KPNB1: variants seen among roughly 807,000 people sequenced by gnomAD.
The protein encoded by KPNB1 is importin subunit beta-1.
In KPNB1, 7 loss-of-function variants were observed where a neutral mutation model predicts 113.0. That is an observed-to-expected ratio of 0.06 (90% CI 0.04 to 0.12). The LOEUF is 0.12. KPNB1 is among the 10% of genes least tolerant of loss of function. KPNB1 has a pLI of 1.00. For synonymous variants in KPNB1, 363 were observed against 378.6 expected (o/e 0.96, Z 0.48); for missense variants, 400 against 1,054.8 (o/e 0.38, Z 8.60).
intron 11 of KPNB1, 62 bp from the exon 12 acceptor site, chr17:47,670,640 A>G: frequency 2.0e-6 from 3 of 1,492,678 alleles, no homozygotes; most frequent in Non-Finnish European, 2.7e-6. Flanking sequence ...TTAATGAAAA[A>G]TGAGATAATC....
intron 11 of KPNB1, 32 bp downstream of exon 11, chr17:47,669,901 G>T: frequency 1.3e-6 from 2 of 1,484,912 alleles, no homozygotes; most frequent in Non-Finnish European, 1.9e-6. Flanking sequence ...GAGAAAAGGA[G>T]CTTGCCTGCG....
At chr17:47,651,929 A>G (rs1915586550) in intron 2 of KPNB1, among the ~76,000 whole-genome samples, 6 of 152,244 alleles carry the variant, frequency 3.9e-5, no homozygotes, top group Admixed American at 2.6e-4. Context: ...GTCCAAATGT[A>G]AAGGAGCAAG....
chr17:47,670,749 T>G lies in KPNB1; in HGVS notation c.1464T>G (p.Ala488=), dbSNP rs1427047542. ...CTGCTTATGAAGCTGCAGACGTTGC[T>G]GATGATCAGGAAGAACCAGCTACTT... The part of the protein sequence containing the change: ...AEAAYEAADV[A]DDQEEPATYC... The change falls in exon 12 of 22, where the codon GCT becomes GCG. Residue 488 remains alanine (A), a synonymous_variant. Coordinates refer to ENST00000290158, the MANE Select transcript of KPNB1 (RefSeq NM_002265.6). 1.9e-6 allele frequency: 3 copies of G among 1,613,624 alleles called. No individual in the cohort carries two copies. The highest frequency in any genetic ancestry group is 1.3e-5 in the African/African-American group (1 of 75,052).
At chr17:47,666,503 GTTATATA>G (rs1335544871) in intron 9 of KPNB1, among the ~76,000 whole-genome samples, 18 of 128,928 alleles carry the variant, frequency 1.4e-4, no homozygotes, top group Non-Finnish European at 2.0e-4. Context: ...TTTATATAAT[GTTATATA>G]TTATATTTTA....
At chr17:47,675,358 G>GTTTTTTTTTTT (rs1555619221) in intron 15 of KPNB1, among the ~76,000 whole-genome samples, 1 of 88,812 alleles carries the variant, frequency 1.1e-5, no homozygotes, top group Non-Finnish European at 2.5e-5. Context: ...TGGCAGAGGT[G>GTTTTTTTTTTT]TTGTTTTTTT....
chr17:47,663,840 C>T (rs2030183176), intron 7 of KPNB1, among the ~76,000 whole-genome samples: 1 of 151,900 alleles, frequency 6.6e-6, no homozygotes, highest in Admixed American at 6.6e-5. Flanking sequence ...CAAAAATAAG[C>T]TGGGTGAGGT....
At chr17:47,681,294 A>G (rs189251683) in intron 21 of KPNB1, among the ~76,000 whole-genome samples, 2 of 137,170 alleles carry the variant, frequency 1.5e-5, no homozygotes, top group East Asian at 4.2e-4. Flanking sequence ...TTTTGGAGAC[A>G]GTCTCGCTCT....
chr17:47,682,614 C>G lies in KPNB1; in HGVS notation c.*210C>G. 1.7e-6 allele frequency: 1 copy of G among 573,570 alleles called. No individual in the cohort carries two copies. The highest frequency in any genetic ancestry group is 2.2e-5 in the South Asian group (1 of 44,778). 35.5% of individuals were successfully genotyped at this position (573,570 alleles called of 1,614,324 possible). A position where few individuals can be genotyped will look rare whatever the true frequency, so the allele number is the denominator to read the frequency against. On this transcript the variant is annotated 3_prime_UTR_variant, in exon 22 of 22. Transcript: ENST00000290158. ...GCGCTGTTAGTGAGCTAAGTAAGCA[C>G]TGACTTCGTAGAAAACCATAACATC... is the stretch of plus-strand genomic sequence containing the variant.
In KPNB1 at chr17:47,682,250, A is replaced by G. The variant is rs76763686; in HGVS notation, c.*-154A>G. ...TGTAGGTGTTAATAAGAGCAGGTCA[A>G]TGGCACATAGGACAAGAAGAAAGAG... On this transcript the variant is annotated intron_variant, in intron 21 of 21. Transcript: ENST00000290158. Among the ~76,000 whole-genome samples, 567 of 152,374 alleles carry G rather than the reference A, an allele frequency of 3.7e-3. 7 individuals carry two copies. Among genetic ancestry groups the G allele is most frequent in the South Asian group, 0.015 (74 of 4,828 alleles).
Position 47,658,793 on chromosome 17 carries a change from T to C in KPNB1, c.636+133T>C, listed in dbSNP as rs887882155. 5.4e-5 allele frequency: 39 copies of C among 723,818 alleles called. No homozygotes were observed. In the African/African-American group the frequency reaches 6.6e-4, roughly 12 times the overall value. 44.8% of individuals were successfully genotyped at this position (723,818 alleles called of 1,614,324 possible). On this transcript the variant is annotated intron_variant, in intron 5 of 21. Transcript: ENST00000290158. ...TACTTAAAAGTATTTGTTTCCAGTT[T>C]AGTCGAGTTCGTATTGTGTGAGATA...
chr17:47,682,008 T>A (rs1268633649), intron 21 of KPNB1, among the ~76,000 whole-genome samples: 1 of 152,098 alleles, frequency 6.6e-6, no homozygotes. Context: ...AATTTTTTTT[T>A]ATTTTTAGAG....
Position 47,678,171 on chromosome 17 carries a change from C to G in KPNB1, c.2229C>G (p.Ser743=), listed in dbSNP as rs1261005971. 1 of 1,614,206 alleles carries G rather than the reference C, an allele frequency of 6.2e-7. No individual in the cohort carries two copies. Among genetic ancestry groups the G allele is most frequent in the Non-Finnish European group, 8.5e-7 (1 of 1,180,026 alleles). Residue 743 remains serine, a synonymous_variant, in exon 18 of 22, where the codon TCC becomes TCG. Coordinates refer to ENST00000290158, the MANE Select transcript of KPNB1 (RefSeq NM_002265.6). Reference sequence around the variant, plus strand: ...TATTGAATACTCTTCAGCAGGCCTCCCAAGCCCAGGTGGACAAGGTAAGCT... The same window carrying G: ...TATTGAATACTCTTCAGCAGGCCTCGCAAGCCCAGGTGGACAAGGTAAGCT... ...EVVLNTLQQA[S]QAQVDKSDYD...
intron 19 of KPNB1, among the ~76,000 whole-genome samples, chr17:47,679,099 T>G (rs2030697054): frequency 6.6e-6 from 1 of 151,510 alleles, no homozygotes; most frequent in Admixed American, 6.6e-5. Flanking sequence ...TTTTTTTTTT[T>G]GTATTTTAGT....
At chr17:47,675,361 G>GTTTTTTTGTT (rs2030569098) in intron 15 of KPNB1, among the ~76,000 whole-genome samples, 2 of 88,692 alleles carry the variant, frequency 2.3e-5, no homozygotes, top group African/African-American at 4.6e-5. Context: ...CAGAGGTGTT[G>GTTTTTTTGTT]TTTTTTTTTT....
chr17:47,655,886 A>C (rs1316778852), intron 3 of KPNB1, among the ~76,000 whole-genome samples: 1 of 152,182 alleles, frequency 6.6e-6, no homozygotes, highest in Non-Finnish European at 1.5e-5. Flanking sequence ...GTTCTAGGGC[A>C]GTGTTGATTA....
intron 15 of KPNB1, 113 bp from the exon 16 acceptor site, chr17:47,676,296 C>A: frequency 2.6e-6 from 2 of 766,834 alleles, no homozygotes; most frequent in Non-Finnish European, 2.3e-6. Flanking sequence ...CACATTTCAC[C>A]CAACCTGTTG....
chr17:47,672,823 G>A (rs1327641080), intron 12 of KPNB1, among the ~76,000 whole-genome samples, 195 bp from the exon 13 acceptor site: 1 of 152,084 alleles, frequency 6.6e-6, no homozygotes, highest in East Asian at 1.9e-4. Flanking sequence ...AATTTTAACT[G>A]TCTGGAGACC....
At chr17:47,660,196 C>T (rs929654397) in intron 5 of KPNB1, among the ~76,000 whole-genome samples, 3 of 151,570 alleles carry the variant, frequency 2.0e-5, no homozygotes, top group South Asian at 2.1e-4. Context: ...AAATACCTTA[C>T]GTAAGTGGAA....
In KPNB1 at chr17:47,669,773, T is replaced by C; in HGVS notation, c.1320T>C (p.Pro440=). 6.2e-7 allele frequency: 1 copy of C among 1,614,010 alleles called. No homozygotes were observed. Among genetic ancestry groups the C allele is most frequent in the Admixed American group, 1.7e-5 (1 of 60,022 alleles). ...WTVGRICELL[P]EAAINDVYLA... is the part of the protein sequence containing the mutation. ...TAGGCAGAATTTGTGAGCTGCTTCCTGAAGCTGCCATCAATGATGTCTACT... is the reference window on the plus strand; with the variant it reads ...TAGGCAGAATTTGTGAGCTGCTTCCCGAAGCTGCCATCAATGATGTCTACT... The change falls in exon 11 of 22, where the codon CCT becomes CCC. Residue 440 remains proline (P), a synonymous_variant. Transcript: ENST00000290158.
Sources: allele counts gnomAD v4.1 joint callset (sites outside exome capture counted in the v4.1 genomes callset), GRCh38; gene constraint gnomAD v4.1.1; transcripts MANE v1.5; gene names NCBI Gene and HGNC (gene_info 2026-07-23, HGNC 2026-07-21).